SHROOM3: variants seen among roughly 807,000 people sequenced by gnomAD.
SHROOM3 encodes protein Shroom3.
In SHROOM3, 47 loss-of-function variants were observed where a neutral mutation model predicts 138.6. That is an observed-to-expected ratio of 0.34 (90% CI 0.27 to 0.43). The LOEUF is 0.43. Among genes scored for constraint, SHROOM3 ranks in the 20% least tolerant of loss-of-function variants. The probability of loss-of-function intolerance (pLI) is 1.00; values close to 1 mark genes in which losing one functional copy is unlikely to be tolerated. For synonymous variants in SHROOM3, 1,062 were observed against 1,063.3 expected (o/e 1.00, Z 0.02); for missense variants, 2,491 against 2,596.5 (o/e 0.96, Z 0.88).
At chr4:76,771,002 A>G (rs1243908183) in intron 10 of SHROOM3, 104 bp downstream of exon 10, 1 of 1,445,934 alleles carries the variant, frequency 6.9e-7, no homozygotes, top group Non-Finnish European at 9.7e-7. Flanking sequence ...ATTTGTGGCA[A>G]TCTCTTTGGG....
chr4:76,668,030 C>T (rs1467472430), intron 2 of SHROOM3, among the ~76,000 whole-genome samples: 1 of 143,052 alleles, frequency 7.0e-6, no homozygotes, highest in East Asian at 2.2e-4. Flanking sequence ...GGGGAGGGAG[C>T]ACATAATGTC....
intron 1 of SHROOM3, among the ~76,000 whole-genome samples, chr4:76,447,747 G>A (rs1338348338): frequency 6.6e-6 from 1 of 152,212 alleles, no homozygotes; most frequent in Non-Finnish European, 1.5e-5. Context: ...GAGAATGAGT[G>A]TTATTCTTTA....
intron 2 of SHROOM3, among the ~76,000 whole-genome samples, chr4:76,652,017 T>A (rs1490391854): frequency 6.6e-6 from 1 of 152,152 alleles, no homozygotes; most frequent in African/African-American, 2.4e-5. Flanking sequence ...CAAAGCTACC[T>A]AAGGGGCCCA....
intron 3 of SHROOM3, among the ~76,000 whole-genome samples, chr4:76,730,319 T>C (rs1720834730): frequency 6.6e-6 from 1 of 152,248 alleles, no homozygotes; most frequent in South Asian, 2.1e-4. Context: ...TTACCAATAG[T>C]ATCATTTACC....
At chr4:76,478,592 G>C (rs1199859992) in intron 1 of SHROOM3, among the ~76,000 whole-genome samples, 1 of 152,214 alleles carries the variant, frequency 6.6e-6, no homozygotes, top group African/African-American at 2.4e-5. Flanking sequence ...GCTCTGAAGA[G>C]AGCAGCAGAT....
At chr4:76,449,528 C>T (rs1730881476) in intron 1 of SHROOM3, among the ~76,000 whole-genome samples, 1 of 152,202 alleles carries the variant, frequency 6.6e-6, no homozygotes, top group South Asian at 2.1e-4. Context: ...AAATTCCACA[C>T]AAGAAGCTTC....
chr4:76,742,912 G>A (rs1435111048), intron 5 of SHROOM3, among the ~76,000 whole-genome samples: 1 of 152,062 alleles, frequency 6.6e-6, no homozygotes, highest in South Asian at 2.1e-4. Context: ...TGTAGAGCAT[G>A]TGTTGTATGA....
Position 76,739,507 on chromosome 4 carries a change from C to T in SHROOM3, c.1334C>T (p.Pro445Leu), listed in dbSNP as rs772628720. Residue 445 changes from proline to leucine, a missense_variant, in exon 5 of 11, where the codon CCA (proline) becomes CTA (leucine). Pro to Leu is a moderately conservative substitution (Grantham distance 98). Around this residue, in one of 4 missense-constraint regions of SHROOM3, gnomAD observed 1,733 missense variants for 1,661.6 expected, o/e 1.04. Transcript: ENST00000296043. ...VLEKSPENSP[P>L]VKPKHNYTQK... The stretch of plus-strand genomic sequence containing the variant: ...GAGAAGAGTCCAGAGAACAGCCCCC[C>T]AGTGAAGCCCAAGCATAACTATACC... 1.9e-6 allele frequency: 3 copies of T among 1,613,992 alleles called. No individual in the cohort carries two copies. Among genetic ancestry groups the T allele is most frequent in the South Asian group, 1.1e-5 (1 of 91,082 alleles).
intron 2 of SHROOM3, among the ~76,000 whole-genome samples, chr4:76,584,331 AAAAG>A (rs1299606811): frequency 1.3e-5 from 2 of 152,130 alleles, no homozygotes; most frequent in African/African-American, 4.8e-5. Context: ...AAAAAAAAAA[AAAAG>A]AGTCACATAG....
chr4:76,470,959 A>G (rs1482811959), intron 1 of SHROOM3, among the ~76,000 whole-genome samples: 1 of 152,168 alleles, frequency 6.6e-6, no homozygotes, highest in Non-Finnish European at 1.5e-5. Flanking sequence ...CCTCTTAATC[A>G]TACCCCCATT....
chr4:76,554,926 C>T lies in SHROOM3; in HGVS notation c.169-683C>T, dbSNP rs577859357. On this transcript the variant is annotated intron_variant, in intron 1 of 10. Coordinates refer to ENST00000296043, the MANE Select transcript of SHROOM3 (RefSeq NM_020859.4). ...GCAGCATTAGATTCTCACAGGAGCC[C>T]GAACCCTATTGTGAACTACACATGC... 3.3e-5 allele frequency among the ~76,000 whole-genome samples: 5 copies of T among 151,742 alleles called. No individual in the cohort carries two copies. In the South Asian group the frequency reaches 6.3e-4, roughly 19 times the overall value.
chr4:76,588,171 A>G (rs1171871538), intron 2 of SHROOM3, among the ~76,000 whole-genome samples: 4 of 152,258 alleles, frequency 2.6e-5, no homozygotes, highest in Non-Finnish European at 5.9e-5. Flanking sequence ...CCCACGTTTC[A>G]TATTAAGAGT....
intron 2 of SHROOM3, among the ~76,000 whole-genome samples, chr4:76,596,106 G>A (rs781149380): frequency 6.6e-6 from 1 of 152,058 alleles, no homozygotes; most frequent in Non-Finnish European, 1.5e-5. Flanking sequence ...AATAATTTGG[G>A]TCAATGATGG....
chr4:76,633,332 C>CAAAAAAAAAAAAA (rs56002974), intron 2 of SHROOM3, among the ~76,000 whole-genome samples: 42 of 83,732 alleles, frequency 5.0e-4, no homozygotes, highest in Non-Finnish European at 7.0e-4. Context: ...GACTCAGTCT[C>CAAAAAAAAAAAAA]AAAAAAAAAA....
intron 2 of SHROOM3, among the ~76,000 whole-genome samples, chr4:76,582,485 A>T (rs1284769862): frequency 6.6e-6 from 1 of 152,200 alleles, no homozygotes; most frequent in Admixed American, 6.5e-5. Flanking sequence ...GCCATGTGCA[A>T]ATCATTAAGG....
At chr4:76,499,748 G>C (rs1433366740) in intron 1 of SHROOM3, among the ~76,000 whole-genome samples, 1 of 152,180 alleles carries the variant, frequency 6.6e-6, no homozygotes, top group Non-Finnish European at 1.5e-5. Context: ...AGTCTTCACA[G>C]AGAAAGTAAC....
At chr4:76,451,077 G>C (rs1229099527) in intron 1 of SHROOM3, among the ~76,000 whole-genome samples, 1 of 151,980 alleles carries the variant, frequency 6.6e-6, no homozygotes, top group African/African-American at 2.4e-5. Flanking sequence ...AGCCTCCTGA[G>C]TAGCTGGGAT....
intron 2 of SHROOM3, among the ~76,000 whole-genome samples, chr4:76,708,209 T>C (rs750680873): frequency 6.6e-6 from 1 of 152,086 alleles, no homozygotes; most frequent in Non-Finnish European, 1.5e-5. Flanking sequence ...CTTAAATCGA[T>C]GGAATGATTT....
rs1002480420 is a variant in SHROOM3, at chr4:76,740,938, G to A, written c.2765G>A (p.Arg922His). 1.3e-6 allele frequency: 2 copies of A among 1,496,028 alleles called. No individual in the cohort carries two copies. The highest frequency in any genetic ancestry group is 2.4e-5 in the Admixed American group (1 of 41,496). The allele number at this position is 1,496,028 out of a possible 1,614,324, so 92.7% of individuals were successfully genotyped here. Residue 922 changes from arginine to histidine, a missense_variant, in exon 5 of 11, where the codon CGC becomes CAC. By Grantham distance (29) the Arg-to-His change is conservative. Around this residue, in one of 4 missense-constraint regions of SHROOM3, gnomAD observed 1,733 missense variants for 1,661.6 expected, o/e 1.04. Coordinates refer to ENST00000296043, the MANE Select transcript of SHROOM3 (RefSeq NM_020859.4). The surrounding 1 kb of genome is among the most constrained non-coding windows in gnomAD (Gnocchi z 4.0). ...CCCCTGCTGGATGCCCCCTTCAGCC[G>A]CGCCTACCGGAACAGCATCAAGGAC... ...ESPLLDAPFS[R>H]AYRNSIKDAQ...
Sources: allele counts gnomAD v4.1 joint callset (sites outside exome capture counted in the v4.1 genomes callset), GRCh38; gene constraint gnomAD v4.1.1; regional missense constraint gnomAD v4.1.1; non-coding constraint Gnocchi (gnomAD v3.1); transcripts MANE v1.5; gene names NCBI Gene and HGNC (gene_info 2026-07-23, HGNC 2026-07-21).